CLEC2D: variants seen among roughly 807,000 people sequenced by gnomAD.
The protein encoded by CLEC2D is C-type lectin domain family 2 member D, also known as C-type lectin related f.
In CLEC2D, 16 loss-of-function variants were observed where a neutral mutation model predicts 20.0. The ratio of observed to expected loss-of-function variants is 0.80; its 90% confidence interval spans 0.54 to 1.22. The LOEUF is 1.22. CLEC2D is among the 50% of genes most tolerant of loss of function. CLEC2D has a pLI of 0.00. For missense variants in CLEC2D, 207 were observed against 221.5 expected (o/e 0.93, Z 0.42); for synonymous variants, 77 against 71.1 (o/e 1.08, Z -0.42).
chr12:9,693,822 G>T (rs764368713), intron 4 of CLEC2D: 12 of 448,778 alleles, frequency 2.7e-5, no homozygotes, highest in African/African-American at 2.2e-4. Flanking sequence ...TTGTATTTTT[G>T]AGAGACAGGG....
chr12:9,685,980 G>A (rs1426912965), intron 2 of CLEC2D, among the ~76,000 whole-genome samples: 1 of 152,150 alleles, frequency 6.6e-6, no homozygotes, highest in African/African-American at 2.4e-5. Flanking sequence ...GGTTCTGGTA[G>A]TGTTGGCACT....
chr12:9,687,508 T>C (rs1397223685), intron 2 of CLEC2D, among the ~76,000 whole-genome samples: 1 of 152,234 alleles, frequency 6.6e-6, no homozygotes, highest in Non-Finnish European at 1.5e-5. Context: ...TACTGATCCA[T>C]GGCCTAGGGG....
chr12:9,684,785 T>C (rs773878917), intron 2 of CLEC2D, among the ~76,000 whole-genome samples: 59 of 152,258 alleles, frequency 3.9e-4, no homozygotes, highest in Non-Finnish European at 6.5e-4. Context: ...GGCTGGCCAG[T>C]ATTTTATTGA....
At chr12:9,677,719 T>A (rs1865552280) in intron 1 of CLEC2D, among the ~76,000 whole-genome samples, 2 of 150,508 alleles carry the variant, frequency 1.3e-5, no homozygotes, top group Admixed American at 6.6e-5. Flanking sequence ...TTTTTTTTTT[T>A]TTTTTTTTTA....
At chr12:9,671,467 G>A (rs939790155) in intron 1 of CLEC2D, among the ~76,000 whole-genome samples, 2 of 152,102 alleles carry the variant, frequency 1.3e-5, no homozygotes, top group African/African-American at 4.8e-5. Flanking sequence ...TGATCCGCCC[G>A]CCTCGGCCTC....
At chr12:9,670,616 T>C (rs1865398831) in intron 1 of CLEC2D, among the ~76,000 whole-genome samples, 3 of 152,264 alleles carry the variant, frequency 2.0e-5, no homozygotes, top group Admixed American at 1.3e-4. Context: ...GACATTTTCG[T>C]GGTTCTTCAT....
chr12:9,691,003 C>T (rs1465151055), intron 3 of CLEC2D, among the ~76,000 whole-genome samples: 2 of 152,056 alleles, frequency 1.3e-5, no homozygotes, highest in African/African-American at 4.8e-5. Flanking sequence ...AAACAAGACT[C>T]ATCTACATGC....
chr12:9,672,563 A>G lies in CLEC2D; in HGVS notation c.61+2768A>G, dbSNP rs1014321028. ...CTTGGGGTTGATCTACTCATGAAGT[A>G]TCTTATTGGGGTTCTCTGGATTTCC... is the stretch of plus-strand genomic sequence containing the variant. On this transcript the variant is annotated intron_variant, in intron 1 of 4. Transcript: ENST00000290855. 3.9e-5 allele frequency among the ~76,000 whole-genome samples: 6 copies of G among 152,050 alleles called. No homozygotes were observed. The South Asian group carries it at 1.2e-3, about 32-fold the overall frequency.
In CLEC2D at chr12:9,695,503, C is replaced by G. The variant is rs901674014; in HGVS notation, c.*629C>G. 2 of 1,252,760 alleles carry G rather than the reference C, an allele frequency of 1.6e-6. No individual in the cohort carries two copies. The highest frequency in any genetic ancestry group is 1.5e-5 in the African/African-American group (1 of 66,976). 77.6% of individuals were successfully genotyped at this position (1,252,760 alleles called of 1,614,324 possible). A position where few individuals can be genotyped will look rare whatever the true frequency, so the allele number is the denominator to read the frequency against. On this transcript the variant is annotated 3_prime_UTR_variant, in exon 5 of 5. Coordinates refer to ENST00000290855, the MANE Select transcript of CLEC2D (RefSeq NM_013269.6). ...AGGTGGATAATGATGAAAATGAGAC[C>G]AGTTATCTTTAAGAACGGTCAGCTC... is the stretch of plus-strand genomic sequence containing the variant.
chr12:9,690,133 A>G (rs1452529129), intron 3 of CLEC2D, among the ~76,000 whole-genome samples: 3 of 152,128 alleles, frequency 2.0e-5, no homozygotes, highest in Admixed American at 1.3e-4. Flanking sequence ...CATCATTTAC[A>G]TAAGACCCTG....
intron 1 of CLEC2D, among the ~76,000 whole-genome samples, chr12:9,679,160 A>G (rs1050967813): frequency 6.6e-6 from 1 of 152,158 alleles, no homozygotes; most frequent in Non-Finnish European, 1.5e-5. Context: ...ACATAAGCAC[A>G]CATAATTAAA....
intron 2 of CLEC2D, among the ~76,000 whole-genome samples, chr12:9,686,704 G>C (rs2083446372): frequency 6.6e-6 from 1 of 152,132 alleles, no homozygotes; most frequent in Non-Finnish European, 1.5e-5. Context: ...GTAGCTACTA[G>C]GGGCTCAGTG....
In CLEC2D at chr12:9,695,344, C is replaced by A; in HGVS notation, c.*470C>A. 1 of 1,029,798 alleles carries A rather than the reference C, an allele frequency of 9.7e-7. No homozygotes were observed. The highest frequency in any genetic ancestry group is 1.5e-6 in the Non-Finnish European group (1 of 663,988). 63.8% of individuals were successfully genotyped at this position (1,029,798 alleles called of 1,614,324 possible). ...CTCTGGAGCAGCATTCATTTATCTT[C>A]GTCTGCCTTGTCTCCTACCTAAGTG... On this transcript the variant is annotated 3_prime_UTR_variant, in exon 5 of 5. Transcript: ENST00000290855.
chr12:9,696,156 T>G lies in CLEC2D; in HGVS notation c.*1282T>G. 1.1e-6 allele frequency: 1 copy of G among 885,216 alleles called. No individual in the cohort carries two copies. The highest frequency in any genetic ancestry group is 1.7e-5 in the Admixed American group (1 of 58,668). 54.8% of individuals were successfully genotyped at this position (885,216 alleles called of 1,614,324 possible). ...CCAAAGTGGAAACCAAGTTCATCAA[T>G]TATGTGAAGAATTTCTTCTGGATGA... On this transcript the variant is annotated 3_prime_UTR_variant, in exon 5 of 5. Transcript: ENST00000290855.
intron 3 of CLEC2D, 152 bp downstream of exon 3, chr12:9,688,238 A>G (rs1865796059): frequency 6.4e-6 from 8 of 1,249,542 alleles, no homozygotes; most frequent in Non-Finnish European, 8.0e-6. Flanking sequence ...GTAACCTAGC[A>G]TGTATTATAT....
rs758833289 is a variant in CLEC2D at position 9,692,822 on chromosome 12, T to C, written c.358-6T>C. On this transcript the variant is annotated splice_polypyrimidine_tract_variant and splice_region_variant and intron_variant, in intron 3 of 4. Transcript: ENST00000290855. ...TAATGAATATCATCTCTGTGTTTTCTGAAAGAATTTCCTGTTGAGATATAA... is the reference window on the plus strand; with the variant it reads ...TAATGAATATCATCTCTGTGTTTTCCGAAAGAATTTCCTGTTGAGATATAA... The C allele has an allele frequency of 7.5e-6, 12 of 1,596,384 alleles. No homozygotes were observed. The highest frequency in any genetic ancestry group is 9.4e-6 in the Non-Finnish European group (11 of 1,168,686).
At chr12:9,693,184 G>T in intron 4 of CLEC2D, 1 of 1,112,340 alleles carries the variant, frequency 9.0e-7, no homozygotes. Context: ...TTCATTTTAA[G>T]CAAACCATAC....
intron 1 of CLEC2D, among the ~76,000 whole-genome samples, chr12:9,676,424 A>G (rs1304320053): frequency 6.6e-6 from 1 of 152,134 alleles, no homozygotes; most frequent in Non-Finnish European, 1.5e-5. Context: ...TTTTGTATAT[A>G]TTGATATAAT....
In CLEC2D at chr12:9,696,280, C is replaced by A; in HGVS notation, c.*1406C>A. ...AAAAATTTTCCATCTTATTTCATTT[C>A]TGTAACAGTTGATATCTGGCTGTCC... On this transcript the variant is annotated 3_prime_UTR_variant, in exon 5 of 5. Coordinates refer to ENST00000290855, the MANE Select transcript of CLEC2D (RefSeq NM_013269.6). 2 of 721,714 alleles carry A rather than the reference C, an allele frequency of 2.8e-6. No homozygotes were observed. The highest frequency in any genetic ancestry group is 2.5e-6 in the Non-Finnish European group (1 of 395,438). 44.7% of individuals were successfully genotyped at this position (721,714 alleles called of 1,614,324 possible).
Sources: gnomAD v4.1 joint callset for allele counts (sites outside exome capture counted in the v4.1 genomes callset) on GRCh38, gnomAD v4.1.1 for gene constraint, MANE v1.5 for transcripts, NCBI Gene and HGNC (gene_info 2026-07-23, HGNC 2026-07-21) for gene names.